Variants in GABARAPL1 observed in about 807,000 individuals in gnomAD.
GABARAPL1 encodes GABA type A receptor associated protein like 1.
A neutral mutation model predicts 14.5 loss-of-function variants in GABARAPL1; 4 were observed. The ratio of observed to expected loss-of-function variants is 0.28; its 90% CI spans 0.14 to 0.63. The LOEUF is 0.63. Ranked by LOEUF, GABARAPL1 falls within the 30% of genes least tolerant of loss-of-function variation. The probability of loss-of-function intolerance (pLI) is 0.84; values close to 1 mark genes in which losing one functional copy is unlikely to be tolerated. For synonymous variants in GABARAPL1, 47 were observed against 50.6 expected, an observed-to-expected ratio of 0.93 and a Z score of 0.30; for missense variants, 82 against 139.2, an observed-to-expected ratio of 0.59 and a Z score of 2.07.
intron 3 of GABARAPL1, chr12:10,221,043 C>T (rs185349122): frequency 1.9e-5 from 19 of 985,224 alleles, no homozygotes; most frequent in Middle Eastern, 5.2e-4. Flanking sequence ...AGGATTCTCC[C>T]CACAGTCAGC....
chr12:10,221,207 A>G, intron 3 of GABARAPL1: 3 of 976,470 alleles, frequency 3.1e-6, no homozygotes, highest in Non-Finnish European at 2.4e-6. Context: ...ATTAAGGCAA[A>G]GTCTGTAAAT....
intron 1 of GABARAPL1, among the ~76,000 whole-genome samples, chr12:10,216,371 CA>C (rs377688130): frequency 1.0e-4 from 15 of 144,944 alleles, no homozygotes; most frequent in African/African-American, 1.5e-4. Flanking sequence ...CACTCGACCT[CA>C]AAAAAAAAAG....
intron 1 of GABARAPL1, 33 bp downstream of exon 1, chr12:10,213,252 G>C: frequency 8.0e-7 from 1 of 1,252,800 alleles, no homozygotes; most frequent in Non-Finnish European, 1.1e-6. Flanking sequence ...GATGGGAGGG[G>C]AAGGGCCCGC....
In GABARAPL1 at chr12:10,220,373, C is replaced by T; in HGVS notation, c.170-67C>T. On this transcript the variant is annotated intron_variant, in intron 2 of 3. Coordinates refer to ENST00000266458, the MANE Select transcript of GABARAPL1 (RefSeq NM_031412.4). Reference sequence around the variant, plus strand: ...AATGCAATTGAATTTTTTTCCAGGACTTACCCTTCTACTAATTCCTTGTTT... The same window carrying T: ...AATGCAATTGAATTTTTTTCCAGGATTTACCCTTCTACTAATTCCTTGTTT... The T allele has an allele frequency of 4.4e-6, 7 of 1,602,962 alleles. No homozygotes were observed. In the South Asian group the frequency reaches 7.8e-5, roughly 18 times the overall value.
chr12:10,221,157 A>G (rs1949118691), intron 3 of GABARAPL1: 1 of 978,722 alleles, frequency 1.0e-6, no homozygotes, highest in African/African-American at 1.7e-5. Context: ...CAGATTCCAC[A>G]TTATCTGGGC....
At chr12:10,220,645 T>A (rs1337428589) in intron 3 of GABARAPL1, 87 bp downstream of exon 3, 2 of 1,595,700 alleles carry the variant, frequency 1.3e-6, no homozygotes, top group Non-Finnish European at 1.7e-6. Flanking sequence ...TGATAACACA[T>A]CTGAGAAGTG....
At chr12:10,217,598 T>C (rs906376465) in intron 1 of GABARAPL1, among the ~76,000 whole-genome samples, 4 of 152,194 alleles carry the variant, frequency 2.6e-5, no homozygotes, top group Non-Finnish European at 4.4e-5. Flanking sequence ...CCAGGCGTTG[T>C]GGCATGTGCC....
intron 3 of GABARAPL1, 151 bp downstream of exon 3, chr12:10,220,709 T>A: frequency 6.5e-7 from 1 of 1,538,740 alleles, no homozygotes; most frequent in African/African-American, 1.4e-5. Flanking sequence ...TGTAAGGCTC[T>A]GAGAGATTAG....
At chr12:10,216,736 C>T (rs1196428309) in intron 1 of GABARAPL1, among the ~76,000 whole-genome samples, 1 of 151,852 alleles carries the variant, frequency 6.6e-6, no homozygotes, top group African/African-American at 2.4e-5. Flanking sequence ...GATGGGGTTT[C>T]TCTATGTTGG....
chr12:10,218,164 A>G (rs73058099), intron 2 of GABARAPL1, 23 bp downstream of exon 2: 186,632 of 1,436,130 alleles, frequency 0.13, 13,686 homozygotes, highest in Middle Eastern at 0.16. Flanking sequence ...GCCTTCCCTG[A>G]CCCTTCCTCC....
At chr12:10,213,244 T>C (rs1274490423) in intron 1 of GABARAPL1, 25 bp downstream of exon 1, 4 of 1,127,230 alleles carry the variant, frequency 3.5e-6, no homozygotes, top group Middle Eastern at 2.1e-4. Context: ...GCGGAGGGGA[T>C]GGGAGGGGAA....
chr12:10,219,910 A>T (rs1424406393), intron 2 of GABARAPL1, among the ~76,000 whole-genome samples: 2 of 152,214 alleles, frequency 1.3e-5, no homozygotes, highest in African/African-American at 4.8e-5. Flanking sequence ...CAGAGTTAAT[A>T]GGTTTGAATA....
intron 2 of GABARAPL1, among the ~76,000 whole-genome samples, chr12:10,219,604 A>G (rs970071651): frequency 3.3e-4 from 51 of 152,254 alleles, no homozygotes; most frequent in Middle Eastern, 3.4e-3. Flanking sequence ...GTTTGAGACC[A>G]GCCTGGCCAA....
At position 10,222,518 on chromosome 12, in the gene GABARAPL1, G is replaced by C. The variant is rs1360120770; in HGVS notation, c.*666G>C. ...GAAGGTGGTTGTGATTAAGAAGATG[G>C]TTTTGTTATTAAATAGCATTAAACT... On this transcript the variant is annotated 3_prime_UTR_variant, in exon 4 of 4. Transcript: ENST00000266458. 6.5e-6 allele frequency: 1 copy of C among 152,808 alleles called. No individual in the cohort carries two copies. Among genetic ancestry groups the C allele is most frequent in the East Asian group, 1.9e-4 (1 of 5,200 alleles). The allele number at this position is 152,808 out of a possible 1,614,324, so 9.5% of individuals were successfully genotyped here. A position where few individuals can be genotyped will look rare whatever the true frequency, so the allele number is the denominator to read the frequency against.
intron 1 of GABARAPL1, 145 bp downstream of exon 1, chr12:10,213,364 C>G: frequency 2.8e-6 from 2 of 706,288 alleles, no homozygotes; most frequent in South Asian, 3.0e-5. Flanking sequence ...CCCTTCAGTG[C>G]CAGAGCCAAT....
chr12:10,220,769 T>A, intron 3 of GABARAPL1: 1 of 1,484,534 alleles, frequency 6.7e-7, no homozygotes, highest in Non-Finnish European at 8.9e-7. Flanking sequence ...TTAATCCTTC[T>A]GAAATCTTGT....
chr12:10,217,460 G>T (rs977672357), intron 1 of GABARAPL1, among the ~76,000 whole-genome samples: 1 of 152,148 alleles, frequency 6.6e-6, no homozygotes, highest in Admixed American at 6.5e-5. Flanking sequence ...GGCCAGGCAC[G>T]GTAGCTCACA....
chr12:10,221,320 T>C (rs1252872154), intron 3 of GABARAPL1: 2 of 977,800 alleles, frequency 2.0e-6, no homozygotes, highest in African/African-American at 3.5e-5. Flanking sequence ...AGGACTTTAT[T>C]ATTACTGAAA....
chr12:10,215,435 C>T (rs1193737509), intron 1 of GABARAPL1, among the ~76,000 whole-genome samples: 1 of 152,118 alleles, frequency 6.6e-6, no homozygotes, highest in African/African-American at 2.4e-5. Context: ...TTTAAAAATT[C>T]ATAACCCTAC....
Sources: gnomAD v4.1 joint callset for allele counts (sites outside exome capture counted in the v4.1 genomes callset) on GRCh38, gnomAD v4.1.1 for gene constraint, MANE v1.5 for transcripts, NCBI Gene and HGNC (gene_info 2026-07-23, HGNC 2026-07-21) for gene names.